Variants in DSCAM observed in about 807,000 individuals in gnomAD.
The protein encoded by DSCAM is cell adhesion molecule DSCAM.
Under a neutral mutation model 217.7 loss-of-function variants are expected in DSCAM, and 47 were observed. That is an observed-to-expected ratio of 0.22 (90% CI 0.17 to 0.28). DSCAM has a LOEUF of 0.28. Ranked by LOEUF, DSCAM falls within the 10% of genes least tolerant of loss-of-function variation. DSCAM has a pLI of 1.00. For missense variants in DSCAM, 2,080 were observed against 2,618.3 expected, an observed-to-expected ratio of 0.79 and a Z score of 4.49; for synonymous variants, 1,056 against 1,015.3, an observed-to-expected ratio of 1.04 and a Z score of -0.76.
intron 5 of DSCAM, 64 bp downstream of exon 5, chr21:40,353,401 G>T (rs201340934): frequency 1.2e-5 from 19 of 1,572,620 alleles, no homozygotes; most frequent in Non-Finnish European, 1.6e-5. Flanking sequence ...ATGGAGATTT[G>T]CTTATAACAG....
At chr21:40,530,507 G>A (rs189566412) in intron 3 of DSCAM, among the ~76,000 whole-genome samples, 87 of 152,268 alleles carry the variant, frequency 5.7e-4, no homozygotes, top group Non-Finnish European at 1.1e-3. Context: ...AGACAATTCT[G>A]AGCAATTGCA....
intron 3 of DSCAM, among the ~76,000 whole-genome samples, chr21:40,633,804 T>C (rs537832348): frequency 9.2e-5 from 14 of 152,156 alleles, no homozygotes; most frequent in Non-Finnish European, 1.9e-4. Context: ...TGGTGTAAGA[T>C]GCTTGGATGT....
chr21:40,480,645 C>T lies in DSCAM; in HGVS notation c.509-111400G>A, dbSNP rs73902646. Among the ~76,000 whole-genome samples, 181 of 152,292 alleles carry T rather than the reference C, an allele frequency of 1.2e-3. 1 individual carries two copies. The highest frequency in any genetic ancestry group is 3.9e-3 in the African/African-American group (164 of 41,546). ...TACAATTTTGATGATAGAAATTTGA[C>T]GCTGTTGCTACTGAAGGTTGTGAAT... On this transcript the variant is annotated intron_variant, in intron 3 of 32. Coordinates refer to ENST00000400454, the MANE Select transcript of DSCAM (RefSeq NM_001389.5).
chr21:40,148,245 G>T (rs2090382112), intron 16 of DSCAM, among the ~76,000 whole-genome samples: 2 of 151,788 alleles, frequency 1.3e-5, no homozygotes, highest in African/African-American at 2.4e-5. Flanking sequence ...AGAATAAATT[G>T]TTGCACCTGA....
chr21:40,799,450 A>G (rs2091719640), intron 1 of DSCAM, among the ~76,000 whole-genome samples: 1 of 152,196 alleles, frequency 6.6e-6, no homozygotes, highest in Non-Finnish European at 1.5e-5. Context: ...TTGCCACTAT[A>G]ACAAATTACC....
chr21:40,842,011 G>T (rs928579631), intron 1 of DSCAM, among the ~76,000 whole-genome samples: 4 of 152,210 alleles, frequency 2.6e-5, no homozygotes, highest in African/African-American at 4.8e-5. Context: ...GAGAGATCGT[G>T]GGGGAGGCGT....
chr21:40,081,740 GCCATCAGTGT>G (rs1292387163), intron 24 of DSCAM, among the ~76,000 whole-genome samples: 1 of 152,156 alleles, frequency 6.6e-6, no homozygotes, highest in Non-Finnish European at 1.5e-5. Context: ...CATCCTCAGT[GCCATCAGTGT>G]CCATCAGTGT....
chr21:40,064,911 G>T (rs991923008), intron 27 of DSCAM, among the ~76,000 whole-genome samples: 7 of 152,150 alleles, frequency 4.6e-5, no homozygotes, highest in Non-Finnish European at 8.8e-5. Flanking sequence ...ATGGGTGTGG[G>T]TGCTGTGAAC....
At chr21:40,582,169 A>G (rs559977089) in intron 3 of DSCAM, among the ~76,000 whole-genome samples, 33 of 152,324 alleles carry the variant, frequency 2.2e-4, no homozygotes, top group African/African-American at 7.7e-4. Flanking sequence ...AAAACTCTAT[A>G]AAGTAACATC....
intron 3 of DSCAM, among the ~76,000 whole-genome samples, chr21:40,476,692 T>TAA (rs1403569568): frequency 1.3e-5 from 2 of 151,828 alleles, no homozygotes; most frequent in Non-Finnish European, 2.9e-5. Context: ...GACTAACCAT[T>TAA]GGTTAGGTGG....
At chr21:40,114,596 CAA>C (rs2089943930) in intron 20 of DSCAM, among the ~76,000 whole-genome samples, 1 of 152,118 alleles carries the variant, frequency 6.6e-6, no homozygotes, top group Non-Finnish European at 1.5e-5. Context: ...TTCTGCACAG[CAA>C]AAGAGACTAC....
chr21:40,512,070 A>G (rs1448372430), intron 3 of DSCAM, among the ~76,000 whole-genome samples: 2 of 151,612 alleles, frequency 1.3e-5, no homozygotes, highest in Admixed American at 6.6e-5. Flanking sequence ...GCTTTCTCCA[A>G]TGAGAAAGGC....
In DSCAM at chr21:40,189,137, G is replaced by A. The variant is rs770386573; in HGVS notation, c.2458C>T (p.Arg820Cys). The A allele has an allele frequency of 3.3e-5, 53 of 1,613,930 alleles. No homozygotes were observed. The highest frequency in any genetic ancestry group is 6.7e-5 in the Admixed American group (4 of 59,982). ...ATGATTCGGTCCTCCTTCTCCCAGC[G>A]GACTATAATGGGCTTCTCACCATGC... ...TAHGEKPIIVRWEKEDRIINP... is the reference protein window; with the variant it reads ...TAHGEKPIIVCWEKEDRIINP... The change falls in exon 12 of 33, where the codon CGC becomes TGC. Residue 820 changes from arginine (R) to cysteine (C), a missense_variant. Arg to Cys is a radical substitution (Grantham distance 180). This residue lies in a region of DSCAM where 1,144 missense variants were observed against 1,421.1 expected (regional missense o/e 0.81). Coordinates refer to ENST00000400454, the MANE Select transcript of DSCAM (RefSeq NM_001389.5).
Position 40,338,483 on chromosome 21 carries a change from G to A in DSCAM, c.1508-107C>T, listed in dbSNP as rs965053076. The A allele has an allele frequency of 1.4e-5, 17 of 1,190,768 alleles. No individual in the cohort carries two copies. The Admixed American group carries it at 1.5e-4, about 11-fold the overall frequency. The allele number at this position is 1,190,768 out of a possible 1,614,324, so 73.8% of individuals were successfully genotyped here. ...AAAAATGTAGATTATATTCATGTAA[G>A]CACATCTTTTTCAGTTAAACAAATA... On this transcript the variant is annotated intron_variant, in intron 7 of 32. Transcript: ENST00000400454.
chr21:40,057,722 C>A (rs900630236), intron 28 of DSCAM, among the ~76,000 whole-genome samples: 5 of 152,010 alleles, frequency 3.3e-5, no homozygotes, highest in Non-Finnish European at 5.9e-5. Context: ...ACCAGGACAA[C>A]CAAGGCTGGA....
At chr21:40,721,622 A>T (rs577768898) in intron 1 of DSCAM, among the ~76,000 whole-genome samples, 124 of 152,324 alleles carry the variant, frequency 8.1e-4, no homozygotes, top group Admixed American at 3.7e-3. Flanking sequence ...AAAACTACCC[A>T]AATTGAAAAA....
chr21:40,514,972 C>T (rs1185776153), intron 3 of DSCAM, among the ~76,000 whole-genome samples: 2 of 152,142 alleles, frequency 1.3e-5, no homozygotes, highest in South Asian at 2.1e-4. Context: ...TAGCTTGTGA[C>T]GAAAGGACAT....
In DSCAM at chr21:40,835,239, C is replaced by T. The variant is rs140019898; in HGVS notation, c.43+11380G>A. Among the ~76,000 whole-genome samples the T allele has an allele frequency of 3.2e-4, 48 of 152,148 alleles. 2 individuals carry two copies. In the East Asian group the frequency reaches 7.3e-3, roughly 23 times the overall value. On this transcript the variant is annotated intron_variant, in intron 1 of 32. Transcript: ENST00000400454. ...ATGATGGAAATATTTATGCCCTTTC[C>T]GTGGCAGAAAGATGGGAAAAGATTG...
intron 1 of DSCAM, among the ~76,000 whole-genome samples, chr21:40,780,188 G>C (rs1381829381): frequency 6.6e-6 from 1 of 152,064 alleles, no homozygotes; most frequent in Non-Finnish European, 1.5e-5. Flanking sequence ...TGCAAGTTGT[G>C]CTGAAGCACG....
Sources: gnomAD v4.1 joint callset for allele counts (sites outside exome capture counted in the v4.1 genomes callset) on GRCh38, gnomAD v4.1.1 for gene constraint, gnomAD v4.1.1 regional missense constraint, MANE v1.5 for transcripts, NCBI Gene and HGNC (gene_info 2026-07-23, HGNC 2026-07-21) for gene names.